The following FSTL5 variants were observed in gnomAD, a reference collection of about 807,000 sequenced individuals.
The protein encoded by FSTL5 is follistatin like 5.
In FSTL5, 62 loss-of-function variants were observed where a neutral mutation model predicts 89.1. The ratio of observed to expected loss-of-function variants is 0.70; its 90% CI spans 0.57 to 0.86. FSTL5 has a LOEUF of 0.86. FSTL5 is among the 40% of genes least tolerant of loss of function. The probability of loss-of-function intolerance (pLI) is 0.00; values close to 1 mark genes in which losing one functional copy is unlikely to be tolerated. For synonymous variants in FSTL5, 383 were observed against 346.2 expected (o/e 1.11, Z -1.18); for missense variants, 1,057 against 1,001.6 (o/e 1.06, Z -0.75).
intron 2 of FSTL5, among the ~76,000 whole-genome samples, chr4:162,095,514 T>G (rs1670997407): frequency 6.6e-6 from 1 of 151,892 alleles, no homozygotes; most frequent in Non-Finnish European, 1.5e-5. Flanking sequence ...TCCTGGGAGG[T>G]GAATAAGGGA....
intron 4 of FSTL5, among the ~76,000 whole-genome samples, chr4:161,778,016 C>A (rs1352578575): frequency 2.6e-5 from 4 of 152,010 alleles, no homozygotes; most frequent in Non-Finnish European, 5.9e-5. Flanking sequence ...ATCGCTGGAA[C>A]CCCGGAGGCA....
chr4:161,696,630 A>T (rs1336882013), intron 6 of FSTL5, among the ~76,000 whole-genome samples: 1 of 152,124 alleles, frequency 6.6e-6, no homozygotes, highest in African/African-American at 2.4e-5. Context: ...TTCTCTCAGC[A>T]GTGTTTTATA....
chr4:162,146,963 A>G (rs28439356), intron 1 of FSTL5, among the ~76,000 whole-genome samples: 1,668 of 151,716 alleles, frequency 0.011, 34 homozygotes, highest in African/African-American at 0.037. Flanking sequence ...TTGTATTTTA[A>G]TAGAGATGAG....
chr4:162,079,891 A>G (rs1314645676), intron 2 of FSTL5, among the ~76,000 whole-genome samples: 1 of 151,564 alleles, frequency 6.6e-6, no homozygotes, highest in East Asian at 1.9e-4. Context: ...TTGTATATAT[A>G]TATAAGAAAT....
intron 7 of FSTL5, among the ~76,000 whole-genome samples, chr4:161,611,142 C>G (rs1467444034): frequency 1.5e-5 from 2 of 134,636 alleles, no homozygotes; most frequent in African/African-American, 5.5e-5. Flanking sequence ...ATATATGTAT[C>G]TATATATATG....
chr4:161,434,834 C>G (rs1241056624), intron 15 of FSTL5, among the ~76,000 whole-genome samples: 1 of 152,002 alleles, frequency 6.6e-6, no homozygotes, highest in Non-Finnish European at 1.5e-5. Flanking sequence ...GGTGCTAACA[C>G]TGATCATCAG....
intron 4 of FSTL5, among the ~76,000 whole-genome samples, chr4:161,791,695 C>T (rs1405512813): frequency 6.6e-6 from 1 of 152,090 alleles, no homozygotes; most frequent in Non-Finnish European, 1.5e-5. Flanking sequence ...CTGGGTTATT[C>T]TTTGGTGGGA....
intron 10 of FSTL5, among the ~76,000 whole-genome samples, chr4:161,525,526 T>C (rs890728039): frequency 7.9e-5 from 12 of 152,322 alleles, no homozygotes; most frequent in African/African-American, 2.9e-4. Flanking sequence ...TTTCAAAGTG[T>C]ATGCATGAAA....
At chr4:161,828,321 G>A (rs999676965) in intron 4 of FSTL5, among the ~76,000 whole-genome samples, 15 of 151,584 alleles carry the variant, frequency 9.9e-5, no homozygotes, top group Non-Finnish European at 1.8e-4. Flanking sequence ...GTCTCCTGGG[G>A]CCTGTAGGAG....
rs397996028 is a variant in FSTL5 at position 162,026,304 on chromosome 4, C to CTTT, written c.160+7318_160+7320dup. ...TTTCAGGAGACAGCTTATGTATTTT[C>CTTT]TTTTTTTTTTTTTTTCTTTTTGAGA... On this transcript the variant is annotated intron_variant, in intron 3 of 15. Transcript: ENST00000306100. 2.3e-4 allele frequency among the ~76,000 whole-genome samples: 18 copies of CTTT among 79,474 alleles called. 3 individuals are homozygous for CTTT. Among genetic ancestry groups the CTTT allele is most frequent in the East Asian group, 8.5e-4 (2 of 2,366 alleles). The allele number at this position is 79,474 out of a possible 152,430, so 52.1% of individuals were successfully genotyped here.
At chr4:161,689,183 T>G (rs1737840762) in intron 6 of FSTL5, among the ~76,000 whole-genome samples, 1 of 152,170 alleles carries the variant, frequency 6.6e-6, no homozygotes, top group South Asian at 2.1e-4. Flanking sequence ...CTCTTCACTT[T>G]CCTGGGATAG....
chr4:161,521,789 C>A (rs377057348), intron 10 of FSTL5, among the ~76,000 whole-genome samples: 9 of 130,598 alleles, frequency 6.9e-5, no homozygotes, highest in African/African-American at 2.7e-4. Flanking sequence ...GCGGAGGTTG[C>A]AGTGAGCCGA....
At chr4:161,763,682 C>T (rs1740884666) in intron 5 of FSTL5, among the ~76,000 whole-genome samples, 1 of 152,080 alleles carries the variant, frequency 6.6e-6, no homozygotes, top group African/African-American at 2.4e-5. Flanking sequence ...AGTTCTTCTC[C>T]ATCCTTTGCA....
intron 1 of FSTL5, among the ~76,000 whole-genome samples, chr4:162,115,952 C>T (rs763003441): frequency 6.6e-6 from 1 of 152,000 alleles, no homozygotes; most frequent in South Asian, 2.1e-4. Flanking sequence ...TGAAGCATTG[C>T]CTTAAGAATA....
At chr4:161,550,629 T>A (rs1197904642) in intron 8 of FSTL5, among the ~76,000 whole-genome samples, 1 of 151,326 alleles carries the variant, frequency 6.6e-6, no homozygotes, top group Non-Finnish European at 1.5e-5. Flanking sequence ...CATGAGCACA[T>A]TGTGCAGGTT....
At chr4:161,669,565 T>G (rs1456923139) in intron 6 of FSTL5, among the ~76,000 whole-genome samples, 2 of 152,002 alleles carry the variant, frequency 1.3e-5, no homozygotes, top group Non-Finnish European at 2.9e-5. Context: ...AAACAAATTG[T>G]TCTGAAACAA....
At chr4:162,135,213 C>T (rs1215546665) in intron 1 of FSTL5, among the ~76,000 whole-genome samples, 4 of 152,038 alleles carry the variant, frequency 2.6e-5, no homozygotes, top group Non-Finnish European at 5.9e-5. Flanking sequence ...TCTTGTTAAA[C>T]TCATTATGTT....
chr4:161,421,881 C>T lies in FSTL5; in HGVS notation c.1841+33123G>A, dbSNP rs927935671. Reference sequence around the variant, plus strand: ...GGAACCTACACCATCAGCTTTCTAGCTCTCAGGCCTTCAAACTATACCACC... The same window carrying T: ...GGAACCTACACCATCAGCTTTCTAGTTCTCAGGCCTTCAAACTATACCACC... On this transcript the variant is annotated intron_variant, in intron 15 of 15. Coordinates refer to ENST00000306100, the MANE Select transcript of FSTL5 (RefSeq NM_020116.5). 9.9e-5 allele frequency among the ~76,000 whole-genome samples: 15 copies of T among 152,264 alleles called. No homozygotes were observed. The East Asian group carries it at 1.2e-3, about 12-fold the overall frequency.
intron 9 of FSTL5, among the ~76,000 whole-genome samples, chr4:161,539,286 T>G (rs1480933549): frequency 1.3e-5 from 2 of 151,792 alleles, no homozygotes; most frequent in African/African-American, 4.8e-5. Flanking sequence ...TGACTATCTG[T>G]GACAGGTAGA....
Sources: allele counts gnomAD v4.1 joint callset (sites outside exome capture counted in the v4.1 genomes callset), GRCh38; gene constraint gnomAD v4.1.1; transcripts MANE v1.5; gene names NCBI Gene and HGNC (gene_info 2026-07-23, HGNC 2026-07-21).